Variants in WDR25 observed in about 807,000 individuals in gnomAD.
The protein encoded by WDR25 is WD repeat domain 25.
A neutral mutation model predicts 47.7 loss-of-function variants in WDR25; 35 were observed. The observed-to-expected ratio is 0.73, with a 90% CI of 0.56 to 0.97. WDR25 has a LOEUF of 0.97. WDR25 is among the 50% of genes least tolerant of loss of function. The pLI, the probability that WDR25 is intolerant of heterozygous loss-of-function variation, is 0.00. For missense variants in WDR25, 634 were observed against 704.7 expected (o/e 0.90, Z 1.14); for synonymous variants, 248 against 278.9 (o/e 0.89, Z 1.10).
chr14:100,491,643 A>C lies in WDR25; in HGVS notation c.1101+7519A>C, dbSNP rs192422603. Among the ~76,000 whole-genome samples the C allele has an allele frequency of 2.0e-4, 31 of 152,358 alleles. No individual in the cohort carries two copies. The East Asian group carries it at 3.9e-3, about 19-fold the overall frequency. On this transcript the variant is annotated intron_variant, in intron 4 of 6. Transcript: ENST00000402312. ...AAAATCGCCTGATGACGCATTTCCC[A>C]GACTGTATCCCTGTCGTTAAGCAAC...
In WDR25 at chr14:100,500,870, A is replaced by C. The variant is rs1900898769; in HGVS notation, c.1101+16746A>C. ...AAGGGAAACCAATTTTTCACTTGAG[A>C]GGATCAACACACAAATACATGTGTA... On this transcript the variant is annotated intron_variant, in intron 4 of 6. Coordinates refer to ENST00000402312, the MANE Select transcript of WDR25 (RefSeq NM_001161476.3). The surrounding 1 kb of genome is among the most constrained non-coding windows in gnomAD (Gnocchi z 4.7). Among the ~76,000 whole-genome samples the C allele has an allele frequency of 6.6e-6, 1 of 152,110 alleles. No homozygotes were observed. Among genetic ancestry groups the C allele is most frequent in the Non-Finnish European group, 1.5e-5 (1 of 68,014 alleles).
In WDR25 at chr14:100,381,727, C is replaced by G. The variant is rs760222143; in HGVS notation, c.803C>G (p.Ser268Cys). ...AAGAGCCACATGCTTCTCTCCACTT[C>G]TATGGATAAAACTTTCAAGGTAAGA... Reference protein sequence around the residue: ...LSKSHMLLSTSMDKTFKVWNA... With the variant: ...LSKSHMLLSTCMDKTFKVWNA... Residue 268 changes from serine (S) to cysteine (C), a missense_variant, in exon 2 of 7, where the codon TCT (serine) becomes TGT (cysteine). By Grantham distance (112) the Ser-to-Cys change is moderately radical (BLOSUM62 -1). Coordinates refer to ENST00000402312, the MANE Select transcript of WDR25 (RefSeq NM_001161476.3). 1.1e-5 allele frequency: 18 copies of G among 1,603,718 alleles called. No individual in the cohort carries two copies. Among genetic ancestry groups the G allele is most frequent in the Non-Finnish European group, 1.4e-5 (17 of 1,176,064 alleles).
intron 3 of WDR25, among the ~76,000 whole-genome samples, chr14:100,478,698 G>A (rs1346441826): frequency 6.6e-6 from 1 of 152,130 alleles, no homozygotes; most frequent in Non-Finnish European, 1.5e-5. Flanking sequence ...TCTTTAGGGG[G>A]TTGAGGAAAA....
chr14:100,436,474 A>G (rs1184775361), intron 2 of WDR25, among the ~76,000 whole-genome samples: 1 of 152,208 alleles, frequency 6.6e-6, no homozygotes, highest in Non-Finnish European at 1.5e-5. Context: ...TTGAGCTTAC[A>G]TGTTTTGATG....
Position 100,440,425 on chromosome 14 carries a change from A to G in WDR25, c.823-27596A>G, listed in dbSNP as rs2140245590. 6.6e-6 allele frequency among the ~76,000 whole-genome samples: 1 copy of G among 152,316 alleles called. No homozygotes were observed. Among genetic ancestry groups the G allele is most frequent in the African/African-American group, 2.4e-5 (1 of 41,562 alleles). On this transcript the variant is annotated intron_variant, in intron 2 of 6. Coordinates refer to ENST00000402312, the MANE Select transcript of WDR25 (RefSeq NM_001161476.3). The surrounding 1 kb of genome is among the most constrained non-coding windows in gnomAD (Gnocchi z 4.4). ...GAGGCATGCCACTTAGTCTGTTCTG[A>G]GCGGCTGTTTACAGGCGGATAGAAA...
intron 2 of WDR25, among the ~76,000 whole-genome samples, chr14:100,422,730 G>C (rs61448783): frequency 7.6e-4 from 116 of 152,324 alleles, no homozygotes; most frequent in African/African-American, 2.5e-3. Context: ...ATCATTTGCT[G>C]TTAGGGATTT....
chr14:100,461,248 C>G (rs79481203), intron 2 of WDR25, among the ~76,000 whole-genome samples: 13,194 of 152,070 alleles, frequency 0.087, 1,508 homozygotes, highest in African/African-American at 0.27. Context: ...AAATTCCACT[C>G]TGTCTATTTT....
In WDR25 at chr14:100,449,467, G is replaced by C. The variant is rs929838718; in HGVS notation, c.823-18554G>C. Among the ~76,000 whole-genome samples, 1 of 152,198 alleles carries C rather than the reference G, an allele frequency of 6.6e-6. No homozygotes were observed. The highest frequency in any genetic ancestry group is 1.5e-5 in the Non-Finnish European group (1 of 68,036). On this transcript the variant is annotated intron_variant, in intron 2 of 6. Transcript: ENST00000402312. The surrounding 1 kb of genome is among the most constrained non-coding windows in gnomAD (Gnocchi z 4.2). ...CACCTCTATTCCGGGGCCCTGCCCT[G>C]GCTGGCTGTTGCATTGGGGTGGGAG...
rs531246934 is a variant in WDR25 at position 100,499,828 on chromosome 14, A to T, written c.1101+15704A>T. Among the ~76,000 whole-genome samples the T allele has an allele frequency of 1.3e-5, 2 of 152,274 alleles. No individual in the cohort carries two copies. The highest frequency in any genetic ancestry group is 4.8e-5 in the African/African-American group (2 of 41,548). On this transcript the variant is annotated intron_variant, in intron 4 of 6. Transcript: ENST00000402312. The surrounding 1 kb of genome is among the most constrained non-coding windows in gnomAD (Gnocchi z 4.4). ...TTCTGCTTTGCTCCCAGTCCTTGCT[A>T]ATCAGCCCAGCCAAGCACCTCAGAA...
At chr14:100,379,534 C>T (rs1311782127) in intron 1 of WDR25, among the ~76,000 whole-genome samples, 1 of 151,650 alleles carries the variant, frequency 6.6e-6, no homozygotes, top group African/African-American at 2.4e-5. Context: ...ACTACAGGCG[C>T]CTGCCACCAT....
rs1177132336 is a variant in WDR25 at position 100,500,419 on chromosome 14, G to T, written c.1101+16295G>T. On this transcript the variant is annotated intron_variant, in intron 4 of 6. Transcript: ENST00000402312. The surrounding 1 kb of genome is among the most constrained non-coding windows in gnomAD (Gnocchi z 4.7). Reference sequence around the variant, plus strand: ...TGGCTGTGGAGGGTGGAGAAGGAGGGGTGGGGATGGTCAGATGGAGGCATG... The same window carrying T: ...TGGCTGTGGAGGGTGGAGAAGGAGGTGTGGGGATGGTCAGATGGAGGCATG... Among the ~76,000 whole-genome samples the T allele has an allele frequency of 2.0e-5, 3 of 152,192 alleles. No individual in the cohort carries two copies. The highest frequency in any genetic ancestry group is 7.2e-5 in the African/African-American group (3 of 41,444).
chr14:100,409,331 G>A (rs1316896321), intron 2 of WDR25, among the ~76,000 whole-genome samples: 9 of 152,212 alleles, frequency 5.9e-5, no homozygotes, highest in African/African-American at 2.2e-4. Context: ...TTGTAGGCCT[G>A]CATTGCCTTT....
chr14:100,491,551 C>G (rs1432865754), intron 4 of WDR25, among the ~76,000 whole-genome samples: 1 of 152,220 alleles, frequency 6.6e-6, no homozygotes, highest in Non-Finnish European at 1.5e-5. Flanking sequence ...GGCTAGACCT[C>G]TAGCTTAGAT....
At chr14:100,433,357 G>A (rs1217464190) in intron 2 of WDR25, among the ~76,000 whole-genome samples, 1 of 152,224 alleles carries the variant, frequency 6.6e-6, no homozygotes, top group East Asian at 1.9e-4. Context: ...GAGTGTTCCG[G>A]GTGATGCTGT....
chr14:100,401,411 G>C (rs1218865818), intron 2 of WDR25, among the ~76,000 whole-genome samples: 2 of 152,216 alleles, frequency 1.3e-5, no homozygotes, highest in Admixed American at 1.3e-4. Context: ...TGTCGTGGAG[G>C]CTGGTCCCCT....
intron 4 of WDR25, among the ~76,000 whole-genome samples, chr14:100,522,765 C>A (rs1275668975): frequency 6.6e-6 from 1 of 152,228 alleles, no homozygotes; most frequent in Non-Finnish European, 1.5e-5. Flanking sequence ...TAATAGGCTG[C>A]CACGCTCAGG....
Position 100,525,583 on chromosome 14 carries a change from G to A in WDR25, c.1102-287G>A, listed in dbSNP as rs2030081152. On this transcript the variant is annotated intron_variant, in intron 4 of 6. Transcript: ENST00000402312. This position sits in a 1 kb window ranked among gnomAD's most constrained non-coding sequence, Gnocchi z 4.6. ...TTGGCGAGTCAAGGCCCTTCCCTTT[G>A]CGCTTTCCCTGGGATCCTGCTGCTC... Among the ~76,000 whole-genome samples, 1 of 152,164 alleles carries A rather than the reference G, an allele frequency of 6.6e-6. No individual in the cohort carries two copies.
chr14:100,461,948 A>G (rs1899428966), intron 2 of WDR25, among the ~76,000 whole-genome samples: 1 of 151,316 alleles, frequency 6.6e-6, no homozygotes, highest in Non-Finnish European at 1.5e-5. Context: ...TGGGCAGAGC[A>G]CACATATTTC....
rs1170023177 is a variant in WDR25 at position 100,525,487 on chromosome 14, T to A, written c.1102-383T>A. 6.6e-5 allele frequency among the ~76,000 whole-genome samples: 10 copies of A among 152,220 alleles called. No homozygotes were observed. The highest frequency in any genetic ancestry group is 6.5e-4 in the Admixed American group (10 of 15,282). ...TTTGCAAGCTGTGAATTATGTGACGTCTTCAGAAGCAGGACCCACTCAAAG... is the reference window on the plus strand; with the variant it reads ...TTTGCAAGCTGTGAATTATGTGACGACTTCAGAAGCAGGACCCACTCAAAG... On this transcript the variant is annotated intron_variant, in intron 4 of 6. Transcript: ENST00000402312. This position sits in a 1 kb window ranked among gnomAD's most constrained non-coding sequence, Gnocchi z 4.6.
Sources: gnomAD v4.1 joint callset for allele counts (sites outside exome capture counted in the v4.1 genomes callset) on GRCh38, gnomAD v4.1.1 for gene constraint, Gnocchi (gnomAD v3.1) non-coding constraint, MANE v1.5 for transcripts, NCBI Gene and HGNC (gene_info 2026-07-23, HGNC 2026-07-21) for gene names.